The following GRM8 variants were observed in gnomAD, a reference collection of about 807,000 sequenced individuals.
GRM8 encodes the protein glutamate metabotropic receptor 8.
GRM8 carries 47 observed loss-of-function variants against 87.2 expected under a neutral mutation model. That is an observed-to-expected ratio of 0.54 (90% CI 0.43 to 0.69). The LOEUF is 0.69. Among genes scored for constraint, GRM8 ranks in the 30% least tolerant of loss-of-function variants. The pLI is 0.00. For synonymous variants in GRM8, 396 were observed against 404.5 expected (o/e 0.98, Z 0.25); for missense variants, 1,019 against 1,139.2 (o/e 0.89, Z 1.52).
chr7:127,249,358 T>TA (rs1295252658), intron 1 of GRM8, among the ~76,000 whole-genome samples: 2 of 152,198 alleles, frequency 1.3e-5, no homozygotes, highest in Non-Finnish European at 1.5e-5. Context: ...GAAGATGCAT[T>TA]ACTGTCATCC....
intron 2 of GRM8, among the ~76,000 whole-genome samples, chr7:127,163,373 G>T (rs1793238110): frequency 6.6e-6 from 1 of 152,156 alleles, no homozygotes; most frequent in African/African-American, 2.4e-5. Flanking sequence ...TGCTGGGTTG[G>T]CAGTGACTGT....
At chr7:126,777,938 GA>G (rs1819648728) in intron 6 of GRM8, among the ~76,000 whole-genome samples, 1 of 152,110 alleles carries the variant, frequency 6.6e-6, no homozygotes, top group Non-Finnish European at 1.5e-5. Flanking sequence ...TTATAAAAAT[GA>G]CTAAAGTATT....
At chr7:126,890,141 C>G (rs1800856377) in intron 6 of GRM8, among the ~76,000 whole-genome samples, 1 of 152,044 alleles carries the variant, frequency 6.6e-6, no homozygotes, top group Admixed American at 6.6e-5. Context: ...GACCAATAGC[C>G]ACATGTCACT....
chr7:127,207,463 G>A (rs980745003), intron 2 of GRM8, among the ~76,000 whole-genome samples: 24 of 152,106 alleles, frequency 1.6e-4, no homozygotes, highest in Admixed American at 9.8e-4. Context: ...CAATGTGAAC[G>A]ACAGAAACAT....
chr7:126,553,881 G>A (rs1792859526), intron 8 of GRM8, among the ~76,000 whole-genome samples: 1 of 152,086 alleles, frequency 6.6e-6, no homozygotes, highest in East Asian at 1.9e-4. Context: ...AAAGCTGAAG[G>A]CATTTTGGAT....
At chr7:127,134,965 CATG>C (rs1162464887) in intron 2 of GRM8, among the ~76,000 whole-genome samples, 3 of 152,130 alleles carry the variant, frequency 2.0e-5, no homozygotes, top group Non-Finnish European at 4.4e-5. Flanking sequence ...AGAAATTTAA[CATG>C]ATGAAAATAT....
intron 7 of GRM8, among the ~76,000 whole-genome samples, chr7:126,626,575 C>T (rs1219720448): frequency 6.6e-6 from 1 of 152,112 alleles, no homozygotes; most frequent in Non-Finnish European, 1.5e-5. Context: ...TATCCTGTTG[C>T]ATTCACCATT....
chr7:126,780,020 A>T (rs1231825674), intron 6 of GRM8, among the ~76,000 whole-genome samples: 1 of 152,218 alleles, frequency 6.6e-6, no homozygotes, highest in Non-Finnish European at 1.5e-5. Context: ...ATAAATGAAC[A>T]TCACTATTTG....
At chr7:126,942,149 T>C (rs894905207) in intron 3 of GRM8, among the ~76,000 whole-genome samples, 5 of 151,308 alleles carry the variant, frequency 3.3e-5, no homozygotes, top group African/African-American at 1.2e-4. Context: ...AGCAAGCAAA[T>C]TTCCAAGCAT....
chr7:126,755,622 T>A (rs936182463), intron 7 of GRM8, among the ~76,000 whole-genome samples: 1 of 151,908 alleles, frequency 6.6e-6, no homozygotes, highest in Non-Finnish European at 1.5e-5. Flanking sequence ...GAAAAGCAAA[T>A]GTGTTTTCCT....
chr7:126,701,950 AT>A (rs1809979402), intron 7 of GRM8: 3 of 335,138 alleles, frequency 9.0e-6, no homozygotes, highest in South Asian at 7.8e-5. Context: ...CATGCTACCC[AT>A]TTCTTTCTCC....
chr7:127,103,281 G>T (rs893902432), intron 3 of GRM8, among the ~76,000 whole-genome samples: 8 of 152,208 alleles, frequency 5.3e-5, no homozygotes, highest in African/African-American at 1.7e-4. Context: ...ATGTCGAAAT[G>T]TCATCCCCAG....
intron 9 of GRM8, among the ~76,000 whole-genome samples, chr7:126,483,252 G>A (rs1833070): frequency 0.32 from 47,350 of 149,132 alleles, 7,733 homozygotes; most frequent in South Asian, 0.44. Flanking sequence ...CCACTTATGC[G>A]TCCCTAACCA....
chr7:127,031,143 T>C (rs1036917959), intron 3 of GRM8, among the ~76,000 whole-genome samples: 2 of 152,100 alleles, frequency 1.3e-5, no homozygotes, highest in African/African-American at 4.8e-5. Context: ...CCCCAGGTTT[T>C]CTTTATGTAG....
At chr7:126,836,523 C>G (rs902670949) in intron 6 of GRM8, among the ~76,000 whole-genome samples, 1 of 152,028 alleles carries the variant, frequency 6.6e-6, no homozygotes, top group Non-Finnish European at 1.5e-5. Context: ...ATCACCTATT[C>G]TCTCCTCCTC....
chr7:126,702,122 G>A (rs952429884), intron 7 of GRM8, among the ~76,000 whole-genome samples: 2 of 152,140 alleles, frequency 1.3e-5, no homozygotes, highest in African/African-American at 2.4e-5. Flanking sequence ...GCTAGCATTC[G>A]CACATGCCAA....
chr7:126,556,594 C>T (rs1047926578), intron 8 of GRM8, among the ~76,000 whole-genome samples: 5 of 152,150 alleles, frequency 3.3e-5, no homozygotes, highest in African/African-American at 1.2e-4. Flanking sequence ...TTGCAGTGAG[C>T]TGAGATTGCA....
chr7:126,774,366 G>A (rs1819184419), intron 6 of GRM8, among the ~76,000 whole-genome samples: 1 of 152,114 alleles, frequency 6.6e-6, no homozygotes, highest in Admixed American at 6.6e-5. Context: ...ATTTCATTAT[G>A]CTATAGTTTC....
At chr7:126,701,471 T>C (rs1452113704) in intron 7 of GRM8, among the ~76,000 whole-genome samples, 1 of 152,192 alleles carries the variant, frequency 6.6e-6, no homozygotes, top group East Asian at 1.9e-4. Context: ...CTGGTAGTTT[T>C]ACAAGGAATG....
Sources: allele counts gnomAD v4.1 joint callset (sites outside exome capture counted in the v4.1 genomes callset), GRCh38; gene constraint gnomAD v4.1.1; transcripts MANE v1.5; gene names NCBI Gene and HGNC (gene_info 2026-07-23, HGNC 2026-07-21).